The following PHLDB2 variants were observed in gnomAD, a reference collection of about 807,000 sequenced individuals.
The protein encoded by PHLDB2 is pleckstrin homology-like domain family B member 2.
PHLDB2 carries 71 observed loss-of-function variants against 123.6 expected under a neutral mutation model. The ratio of observed to expected loss-of-function variants is 0.57; its 90% CI spans 0.47 to 0.70. PHLDB2 has a LOEUF of 0.70. PHLDB2 is among the 30% of genes least tolerant of loss of function. PHLDB2 has a pLI of 0.00. For missense variants in PHLDB2, 1,446 were observed against 1,519.5 expected, an observed-to-expected ratio of 0.95 and a Z score of 0.80; for synonymous variants, 547 against 541.6, an observed-to-expected ratio of 1.01 and a Z score of -0.14.
intron 1 of PHLDB2, among the ~76,000 whole-genome samples, chr3:111,739,955 T>A (rs6801225): frequency 0.32 from 48,029 of 151,994 alleles, 8,737 homozygotes; most frequent in African/African-American, 0.49. Context: ...CAAGCATTTT[T>A]AAAATTTTTT....
At chr3:111,945,991 C>T (rs1311928380) in intron 9 of PHLDB2, among the ~76,000 whole-genome samples, 1 of 151,886 alleles carries the variant, frequency 6.6e-6, no homozygotes, top group Non-Finnish European at 1.5e-5. Flanking sequence ...AATATTTTAA[C>T]TCTAATTTGG....
chr3:111,818,664 C>T (rs1163649019), intron 1 of PHLDB2, among the ~76,000 whole-genome samples: 1 of 152,144 alleles, frequency 6.6e-6, no homozygotes, highest in African/African-American at 2.4e-5. Flanking sequence ...GCCTTACTAG[C>T]ACCAGAGTGA....
intron 1 of PHLDB2, among the ~76,000 whole-genome samples, chr3:111,866,478 C>A (rs912331744): frequency 2.0e-5 from 3 of 152,060 alleles, no homozygotes; most frequent in Non-Finnish European, 4.4e-5. Flanking sequence ...GTATTTAGGT[C>A]TGGGGAATGT....
intron 1 of PHLDB2, among the ~76,000 whole-genome samples, chr3:111,861,267 T>C (rs992518411): frequency 1.8e-4 from 27 of 152,238 alleles, no homozygotes; most frequent in African/African-American, 6.5e-4. Context: ...AAAGTAACAG[T>C]TCTGTCTATT....
intron 1 of PHLDB2, among the ~76,000 whole-genome samples, chr3:111,822,886 C>A (rs1231499926): frequency 7.2e-6 from 1 of 139,390 alleles, no homozygotes; most frequent in African/African-American, 3.1e-5. Context: ...GTTTAGCCCT[C>A]GGAAAAAAAA....
In PHLDB2 at chr3:111,834,980, T is replaced by C. The variant is rs145717006; in HGVS notation, c.-48-10841T>C. On this transcript the variant is annotated intron_variant, in intron 1 of 17. Coordinates refer to the PHLDB2 transcript ENST00000393923. ...CCTTATGCATATCACACCTTTGTAA[T>C]TTTCCATGAGTCCCTAATGCCTAAA... Among the ~76,000 whole-genome samples the C allele has an allele frequency of 1.5e-3, 230 of 152,240 alleles. 1 individual carries two copies. The highest frequency in any genetic ancestry group is 0.01 in the Middle Eastern group (3 of 294).
chr3:111,782,257 A>G (rs183952476), intron 1 of PHLDB2, among the ~76,000 whole-genome samples: 1 of 152,228 alleles, frequency 6.6e-6, no homozygotes, highest in East Asian at 1.9e-4. Context: ...TTAGTTATAC[A>G]TGGAACTTCC....
chr3:111,893,293 C>T (rs2066610563), intron 2 of PHLDB2, among the ~76,000 whole-genome samples: 1 of 150,360 alleles, frequency 6.7e-6, no homozygotes, highest in African/African-American at 2.5e-5. Flanking sequence ...GTATTGAAAA[C>T]TATTTTGTCC....
At chr3:111,792,100 G>T (rs1206636603) in intron 1 of PHLDB2, among the ~76,000 whole-genome samples, 2 of 152,062 alleles carry the variant, frequency 1.3e-5, no homozygotes, top group African/African-American at 2.4e-5. Context: ...CTCTACTAAT[G>T]ACTTTTATAC....
rs1189383442 is a variant in PHLDB2, at chr3:111,834,226, A to C, written c.-48-11595A>C. Among the ~76,000 whole-genome samples the C allele has an allele frequency of 4.1e-3, 381 of 92,984 alleles. 12 individuals carry two copies. Among genetic ancestry groups the C allele is most frequent in the African/African-American group, 0.014 (217 of 15,104 alleles). 61.0% of individuals were successfully genotyped at this position (92,984 alleles called of 152,430 possible). On this transcript the variant is annotated intron_variant, in intron 1 of 17. Coordinates refer to the PHLDB2 transcript ENST00000393923. Reference sequence around the variant, plus strand: ...TTATATATGTAATAGAATTATATATATATTATGTATATAATAGAATTATAT... The same window carrying C: ...TTATATATGTAATAGAATTATATATCTATTATGTATATAATAGAATTATAT...
chr3:111,871,493 CA>C (rs373679896), intron 1 of PHLDB2, among the ~76,000 whole-genome samples: 192 of 140,658 alleles, frequency 1.4e-3, no homozygotes, highest in South Asian at 6.2e-3. Context: ...ACAAAAAGTA[CA>C]AAAAAAAAAA....
chr3:111,807,168 T>A (rs751829744), intron 1 of PHLDB2, among the ~76,000 whole-genome samples: 1 of 152,016 alleles, frequency 6.6e-6, no homozygotes, highest in Non-Finnish European at 1.5e-5. Flanking sequence ...TATCTGAGAT[T>A]CAATTTTCCC....
intron 1 of PHLDB2, among the ~76,000 whole-genome samples, chr3:111,866,930 G>GGGGTGTGTGTGTGTGT (rs368134623): frequency 2.4e-5 from 3 of 126,002 alleles, no homozygotes; most frequent in Non-Finnish European, 5.1e-5. Context: ...GTTTCTAAGG[G>GGGGTGTGTGTGTGTGT]GTGTGTGTGT....
At position 111,831,034 on chromosome 3, in the gene PHLDB2, G is replaced by GAAAGAAAAGAAAGAAAGAAAGA. The variant is rs1559855393; in HGVS notation, c.-48-14785_-48-14784insAGAAAAGAAAGAAAGAAAGAAA. 1.5e-4 allele frequency among the ~76,000 whole-genome samples: 7 copies of GAAAGAAAAGAAAGAAAGAAAGA among 46,172 alleles called. 1 individual carries two copies. The highest frequency in any genetic ancestry group is 5.0e-4 in the African/African-American group (6 of 12,050). 30.3% of individuals were successfully genotyped at this position (46,172 alleles called of 152,430 possible). A position where few individuals can be genotyped will look rare whatever the true frequency, so the allele number is the denominator to read the frequency against. ...GAAAGAAAGAAAGAAAGAAAGAAAG[G>GAAAGAAAAGAAAGAAAGAAAGA]AAGGAAGGAAGAAAGAGAAAAGAGA... On this transcript the variant is annotated intron_variant, in intron 1 of 17. Coordinates refer to the PHLDB2 transcript ENST00000393923.
intron 11 of PHLDB2, 133 bp from the exon 12 acceptor site, chr3:111,953,797 A>G: frequency 1.5e-6 from 1 of 651,650 alleles, no homozygotes; most frequent in Non-Finnish European, 2.5e-6. Flanking sequence ...TAGCATCAAC[A>G]AATGAAATGC....
intron 1 of PHLDB2, among the ~76,000 whole-genome samples, chr3:111,869,157 T>A (rs2065223137): frequency 6.6e-6 from 1 of 152,190 alleles, no homozygotes; most frequent in South Asian, 2.1e-4. Flanking sequence ...ATCTGGAATT[T>A]TTTTTTTCTT....
intron 16 of PHLDB2, among the ~76,000 whole-genome samples, chr3:111,972,052 T>G (rs1282846669): frequency 6.6e-6 from 1 of 152,238 alleles, no homozygotes; most frequent in African/African-American, 2.4e-5. Flanking sequence ...TTCAGAGTTC[T>G]TTCTCATATA....
intron 5 of PHLDB2, among the ~76,000 whole-genome samples, chr3:111,923,320 T>G (rs1181814399): frequency 6.6e-6 from 1 of 152,210 alleles, no homozygotes; most frequent in African/African-American, 2.4e-5. Context: ...TCTTGGTGCT[T>G]CTTCACTGTC....
Position 111,920,327 on chromosome 3 carries a change from A to C in PHLDB2, c.1909A>C (p.Thr637Pro). The C allele has an allele frequency of 6.2e-7, 1 of 1,614,004 alleles. No individual in the cohort carries two copies. Among genetic ancestry groups the C allele is most frequent in the Non-Finnish European group, 8.5e-7 (1 of 1,179,924 alleles). ...ALLDGEQKSE[T>P]TELMKEKEIL... ...TTTGGATGGAGAACAGAAATCTGAA[A>C]CAACTGAACTTATGAAGGAGAAGGA... is the stretch of plus-strand genomic sequence containing the variant. Residue 637 changes from threonine (T) to proline (P), a missense_variant, in exon 5 of 18, where the codon ACA becomes CCA. Around this residue, in one of 3 missense-constraint regions of PHLDB2, gnomAD observed 832 missense variants for 831.9 expected, o/e 1.00. Transcript: ENST00000431670.
Sources: allele counts gnomAD v4.1 joint callset (sites outside exome capture counted in the v4.1 genomes callset), GRCh38; gene constraint gnomAD v4.1.1; regional missense constraint gnomAD v4.1.1; transcripts MANE v1.5; gene names NCBI Gene and HGNC (gene_info 2026-07-23, HGNC 2026-07-21).